Variants in MTO1 observed in about 807,000 individuals in gnomAD.
MTO1 encodes the protein mitochondrial tRNA translation optimization 1, also known as 5-taurinomethyluridine-[tRNA] synthase subunit MTO1, mitochondrial.
A neutral mutation model predicts 71.6 loss-of-function variants in MTO1; 46 were observed. The ratio of observed to expected loss-of-function variants is 0.64; its 90% CI spans 0.51 to 0.82. The LOEUF is 0.82. MTO1 is among the 40% of genes least tolerant of loss of function. The pLI is 0.00. For synonymous variants in MTO1, 297 were observed against 312.1 expected (o/e 0.95, Z 0.51); for missense variants, 773 against 867.5 (o/e 0.89, Z 1.37).
chr6:73,494,479 CTTTTTTTTTT>C (rs757447983), intron 10 of MTO1, among the ~76,000 whole-genome samples: 1 of 136,194 alleles, frequency 7.3e-6, no homozygotes, highest in Non-Finnish European at 1.6e-5. Flanking sequence ...CTTTTTTTTT[CTTTTTTTTTT>C]TTTTTGAGAC....
chr6:73,469,262 C>T (rs932371621), intron 3 of MTO1, among the ~76,000 whole-genome samples: 1 of 152,124 alleles, frequency 6.6e-6, no homozygotes, highest in East Asian at 1.9e-4. Context: ...AAGTGATCCT[C>T]CCACCTCAAC....
At chr6:73,498,225 C>G (rs1369068821) in intron 11 of MTO1, among the ~76,000 whole-genome samples, 3 of 151,612 alleles carry the variant, frequency 2.0e-5, no homozygotes, top group Admixed American at 6.6e-5. Context: ...AAAAAAGAAA[C>G]TTGACCTCAG....
intron 10 of MTO1, among the ~76,000 whole-genome samples, chr6:73,493,979 T>C (rs1771911531): frequency 6.6e-6 from 1 of 151,956 alleles, no homozygotes. Context: ...ACGCCTGTAA[T>C]CCCAGCACTT....
chr6:73,491,066 G>T (rs1277645589), intron 9 of MTO1, among the ~76,000 whole-genome samples: 2 of 152,146 alleles, frequency 1.3e-5, no homozygotes, highest in Non-Finnish European at 2.9e-5. Flanking sequence ...ATGTTCTTTT[G>T]TTGGCCTAGG....
intron 3 of MTO1, among the ~76,000 whole-genome samples, chr6:73,472,661 A>C (rs1771187699): frequency 6.6e-6 from 1 of 152,150 alleles, no homozygotes. Flanking sequence ...ACTGCAGTTA[A>C]TAATAATGTA....
intron 9 of MTO1, 111 bp from the exon 10 acceptor site, chr6:73,492,123 T>G (rs1040738130): frequency 1.5e-6 from 1 of 681,830 alleles, no homozygotes; most frequent in Admixed American, 2.6e-5. Flanking sequence ...AAAAAAGAAA[T>G]AATCTTTTGG....
intron 9 of MTO1, 118 bp downstream of exon 9, chr6:73,482,738 GT>G: frequency 1.9e-6 from 1 of 514,896 alleles, no homozygotes; most frequent in East Asian, 5.4e-5. Context: ...AATGTAGCTT[GT>G]TTTTGGCTTC....
rs543637033 is a variant in MTO1 at position 73,495,766 on chromosome 6, A to G, written c.1757-1970A>G. Among the ~76,000 whole-genome samples the G allele has an allele frequency of 7.9e-5, 12 of 152,272 alleles. No homozygotes were observed. The South Asian group carries it at 2.5e-3, about 32-fold the overall frequency. ...ACCTTTAGCATATGCATTACCTCAT[A>G]TATTTCATGATACCTTGAAGAGTCT... On this transcript the variant is annotated intron_variant, in intron 10 of 11. Coordinates refer to ENST00000498286, the MANE Select transcript of MTO1 (RefSeq NM_012123.4).
intron 10 of MTO1, among the ~76,000 whole-genome samples, chr6:73,494,407 A>C (rs558714367): frequency 1.3e-5 from 2 of 151,880 alleles, no homozygotes; most frequent in African/African-American, 4.8e-5. Flanking sequence ...GGAAAAGACT[A>C]TGCTCTTTGG....
chr6:73,461,815 C>T lies in MTO1; in HGVS notation c.-40C>T. On this transcript the variant is annotated 5_prime_UTR_variant, in exon 1 of 12. Transcript: ENST00000498286. ...GTTGCGTAAGTTTTTTTGACCGTCA[C>T]TCGTGTCAGCTTCAAAGTCAGATAG... 5 of 1,592,812 alleles carry T rather than the reference C, an allele frequency of 3.1e-6. No individual in the cohort carries two copies. Among genetic ancestry groups the T allele is most frequent in the East Asian group, 2.2e-5 (1 of 44,446 alleles).
intron 1 of MTO1, among the ~76,000 whole-genome samples, chr6:73,465,725 G>A (rs1210104971): frequency 6.6e-6 from 1 of 152,076 alleles, no homozygotes; most frequent in Non-Finnish European, 1.5e-5. Context: ...GGTGGCTCAC[G>A]GCTGTAATCC....
intron 9 of MTO1, among the ~76,000 whole-genome samples, chr6:73,487,186 C>A (rs1220902381): frequency 1.4e-5 from 2 of 140,918 alleles, no homozygotes; most frequent in African/African-American, 2.6e-5. Flanking sequence ...ATCTTCAAGA[C>A]CCTGCTTTCA....
intron 4 of MTO1, among the ~76,000 whole-genome samples, chr6:73,474,229 C>G (rs1006170313): frequency 1.3e-5 from 2 of 151,552 alleles, no homozygotes; most frequent in African/African-American, 4.9e-5. Flanking sequence ...AGTATACAGG[C>G]ACGCGCCACC....
chr6:73,467,142 C>G (rs1034627166), intron 3 of MTO1, among the ~76,000 whole-genome samples: 3 of 151,738 alleles, frequency 2.0e-5, no homozygotes, highest in African/African-American at 4.8e-5. Context: ...GGCAAAACCT[C>G]ATGTCTACAA....
At chr6:73,493,235 C>T (rs997713825) in intron 10 of MTO1, among the ~76,000 whole-genome samples, 1 of 151,594 alleles carries the variant, frequency 6.6e-6, no homozygotes, top group Non-Finnish European at 1.5e-5. Context: ...CTCAGGTGAT[C>T]TGCCTGCCTC....
intron 4 of MTO1, among the ~76,000 whole-genome samples, chr6:73,475,331 G>A (rs1028096527): frequency 6.6e-6 from 1 of 151,782 alleles, no homozygotes; most frequent in Non-Finnish European, 1.5e-5. Context: ...TGCCCAACCT[G>A]TGGTGCAATG....
chr6:73,484,802 TC>T (rs1771605602), intron 9 of MTO1, among the ~76,000 whole-genome samples: 1 of 152,152 alleles, frequency 6.6e-6, no homozygotes, highest in African/African-American at 2.4e-5. Flanking sequence ...ATGCCTGTAA[TC>T]CCATCGTTTT....
chr6:73,480,680 G>A lies in MTO1; in HGVS notation c.1135G>A (p.Gly379Ser), dbSNP rs746493463. 2.0e-5 allele frequency: 32 copies of A among 1,613,824 alleles called. No individual in the cohort carries two copies. The highest frequency in any genetic ancestry group is 3.3e-5 in the South Asian group (3 of 91,068). Reference sequence around the variant, plus strand: ...TGTCTTTGTTCTTTGGTCAGGCTACGGTGTTCAGTATGATTACTTAGATCC... The same window carrying A: ...TGTCTTTGTTCTTTGGTCAGGCTACAGTGTTCAGTATGATTACTTAGATCC... Reference protein sequence around the residue: ...EKAKVIQPGYGVQYDYLDPRQ... With the variant: ...EKAKVIQPGYSVQYDYLDPRQ... The change falls in exon 7 of 12, where the codon GGT becomes AGT. Residue 379 changes from glycine to serine, a missense_variant. Gly to Ser is a moderately conservative substitution (Grantham distance 56). Coordinates refer to ENST00000498286, the MANE Select transcript of MTO1 (RefSeq NM_012123.4).
At chr6:73,468,140 C>G (rs1771053101) in intron 3 of MTO1, among the ~76,000 whole-genome samples, 1 of 151,832 alleles carries the variant, frequency 6.6e-6, no homozygotes, top group African/African-American at 2.4e-5. Flanking sequence ...TTTTTTGAGA[C>G]AGAGTCTGGC....
Sources: allele counts gnomAD v4.1 joint callset (sites outside exome capture counted in the v4.1 genomes callset), GRCh38; gene constraint gnomAD v4.1.1; transcripts MANE v1.5; gene names NCBI Gene and HGNC (gene_info 2026-07-23, HGNC 2026-07-21).